Variants in PRKACB observed in about 807,000 individuals in gnomAD.
PRKACB encodes cAMP-dependent protein kinase catalytic subunit beta.
In PRKACB, 16 loss-of-function variants were observed where a neutral mutation model predicts 51.4. That is an observed-to-expected ratio of 0.31 (90% confidence interval 0.21 to 0.47). The LOEUF (loss-of-function observed/expected upper bound fraction) is 0.47, where lower values mean the gene tolerates loss of function less well. PRKACB is among the 20% of genes least tolerant of loss of function. The pLI is 1.00. For missense variants in PRKACB, 309 were observed against 464.5 expected, an observed-to-expected ratio of 0.67 and a Z score of 3.08; for synonymous variants, 147 against 154.4, an observed-to-expected ratio of 0.95 and a Z score of 0.35.
At chr1:84,159,931 C>T (rs1655978110) in intron 1 of PRKACB, among the ~76,000 whole-genome samples, 1 of 152,104 alleles carries the variant, frequency 6.6e-6, no homozygotes, top group African/African-American at 2.4e-5. Context: ...ATAAATCCCA[C>T]ATGGTCATTG....
At chr1:84,164,698 T>G in intron 1 of PRKACB, 1 of 1,393,178 alleles carries the variant, frequency 7.2e-7, no homozygotes, top group Non-Finnish European at 9.3e-7. Context: ...CTCCCTGCCA[T>G]TTTGAGTTGT....
chr1:84,230,616 G>A (rs1224452091), intron 9 of PRKACB, among the ~76,000 whole-genome samples: 2 of 151,448 alleles, frequency 1.3e-5, no homozygotes, highest in African/African-American at 2.4e-5. Flanking sequence ...CTTGAGCAGT[G>A]GTTTGTAGTT....
chr1:84,122,241 T>C (rs1443921114), intron 1 of PRKACB, among the ~76,000 whole-genome samples: 1 of 152,110 alleles, frequency 6.6e-6, no homozygotes, highest in Non-Finnish European at 1.5e-5. Flanking sequence ...CTGTGGGTGG[T>C]TTTATTTTTC....
At chr1:84,180,795 T>A (rs1282174227) in intron 2 of PRKACB, among the ~76,000 whole-genome samples, 3 of 151,802 alleles carry the variant, frequency 2.0e-5, no homozygotes, top group Non-Finnish European at 2.9e-5. Flanking sequence ...TTGTGTAACA[T>A]GAAACAATAA....
At chr1:84,198,959 A>G (rs933690859) in intron 7 of PRKACB, among the ~76,000 whole-genome samples, 12 of 147,048 alleles carry the variant, frequency 8.2e-5, no homozygotes, top group African/African-American at 2.0e-4. Context: ...ATATATATTC[A>G]TATATATGTG....
In PRKACB at chr1:84,154,752, T is replaced by G. The variant is rs114681285; in HGVS notation, c.187+10204T>G. On this transcript the variant is annotated intron_variant, in intron 1 of 9. Coordinates refer to ENST00000370685, the MANE Select transcript of PRKACB (RefSeq NM_182948.4). ...TTCAACATACACAAATCAACATATG[T>G]GATACACTATTAACAGAATGAAGGG... Among the ~76,000 whole-genome samples, 312 of 152,222 alleles carry G rather than the reference T, an allele frequency of 2.0e-3. 2 individuals are homozygous for G. Among genetic ancestry groups the G allele is most frequent in the African/African-American group, 7.1e-3 (295 of 41,556 alleles).
intron 5 of PRKACB, among the ~76,000 whole-genome samples, chr1:84,194,143 C>G (rs1196299296): frequency 6.6e-6 from 1 of 152,106 alleles, no homozygotes; most frequent in Non-Finnish European, 1.5e-5. Flanking sequence ...CAAGCAGAAT[C>G]CTCATATTGC....
chr1:84,232,341 C>G (rs1413713909), intron 9 of PRKACB, among the ~76,000 whole-genome samples: 1 of 152,060 alleles, frequency 6.6e-6, no homozygotes, highest in Admixed American at 6.6e-5. Context: ...TTACTTCCAA[C>G]TCTGTGGTCA....
chr1:84,143,455 AAAAT>A (rs372486117), upstream of PRKACB, among the ~76,000 whole-genome samples: 653 of 152,258 alleles, frequency 4.3e-3, 4 homozygotes, highest in African/African-American at 0.015. Flanking sequence ...CGTTTAAAAA[AAAAT>A]AGAGAGGTGT....
chr1:84,095,306 A>G (rs542128990), intron 1 of PRKACB, among the ~76,000 whole-genome samples: 10 of 148,768 alleles, frequency 6.7e-5, no homozygotes, highest in African/African-American at 2.2e-4. Context: ...TACTTGTGCC[A>G]TAAATAAGTC....
chr1:84,083,100 T>C (rs1293644788), intron 1 of PRKACB, among the ~76,000 whole-genome samples: 1 of 152,224 alleles, frequency 6.6e-6, no homozygotes, highest in African/African-American at 2.4e-5. Context: ...ATATCTTCTA[T>C]TGAAAAATTT....
At chr1:84,189,533 T>C (rs1666145385) in intron 5 of PRKACB, among the ~76,000 whole-genome samples, 1 of 150,670 alleles carries the variant, frequency 6.6e-6, no homozygotes, top group Non-Finnish European at 1.5e-5. Context: ...AGCAAAAAGA[T>C]ATACCTTTCA....
At chr1:84,191,580 A>G (rs1666804398) in intron 5 of PRKACB, among the ~76,000 whole-genome samples, 1 of 152,160 alleles carries the variant, frequency 6.6e-6, no homozygotes, top group South Asian at 2.1e-4. Context: ...CACAGGAACA[A>G]AAATCCAAAT....
At chr1:84,123,393 T>C (rs1347298807) in intron 1 of PRKACB, among the ~76,000 whole-genome samples, 3 of 152,148 alleles carry the variant, frequency 2.0e-5, no homozygotes, top group African/African-American at 7.2e-5. Context: ...ACCAATTCCT[T>C]ATAGAGAAAC....
intron 1 of PRKACB, among the ~76,000 whole-genome samples, chr1:84,116,690 T>G (rs1265658738): frequency 6.6e-6 from 1 of 152,180 alleles, no homozygotes; most frequent in Admixed American, 6.6e-5. Flanking sequence ...CTCTACTGAA[T>G]TCATCCATCA....
chr1:84,114,380 A>G (rs1650464692), intron 1 of PRKACB, among the ~76,000 whole-genome samples: 1 of 152,318 alleles, frequency 6.6e-6, no homozygotes, highest in South Asian at 2.1e-4. Context: ...CAATTTCAGA[A>G]CAGTGGTTGT....
chr1:84,228,727 A>T (rs1242722162), intron 9 of PRKACB, among the ~76,000 whole-genome samples: 1 of 152,188 alleles, frequency 6.6e-6, no homozygotes, highest in East Asian at 1.9e-4. Context: ...GATATTTTAA[A>T]CAAAATAAAC....
intron 1 of PRKACB, among the ~76,000 whole-genome samples, chr1:84,131,010 T>G (rs952303802): frequency 6.6e-6 from 1 of 152,160 alleles, no homozygotes; most frequent in African/African-American, 2.4e-5. Context: ...AGGAGAAGAC[T>G]TTAAAGAGAA....
chr1:84,107,581 A>C (rs183524001), intron 1 of PRKACB, among the ~76,000 whole-genome samples: 8 of 152,272 alleles, frequency 5.3e-5, no homozygotes, highest in African/African-American at 1.7e-4. Context: ...CATCTGACTA[A>C]TGTATAGTTA....
Sources: gnomAD v4.1 joint callset for allele counts (sites outside exome capture counted in the v4.1 genomes callset) on GRCh38, gnomAD v4.1.1 for gene constraint, MANE v1.5 for transcripts, NCBI Gene and HGNC (gene_info 2026-07-23, HGNC 2026-07-21) for gene names.